VAT1L: variants seen among roughly 807,000 people sequenced by gnomAD.
The protein encoded by VAT1L is putative NADPH-dependent quinone oxidoreductase VAT1L.
In VAT1L, 34 loss-of-function variants were observed where a neutral mutation model predicts 44.1. The observed-to-expected ratio is 0.77, with a 90% CI of 0.59 to 1.03. The LOEUF (loss-of-function observed/expected upper bound fraction) is 1.03, where lower values mean the gene tolerates loss of function less well. VAT1L is among the 50% of genes least tolerant of loss of function. The probability of loss-of-function intolerance (pLI) is 0.00; values close to 1 mark genes in which losing one functional copy is unlikely to be tolerated. For missense variants in VAT1L, 615 were observed against 538.8 expected (o/e 1.14, Z -1.40); for synonymous variants, 253 against 202.2 (o/e 1.25, Z -2.13).
chr16:77,803,029 T>C (rs750348667), intron 1 of VAT1L, among the ~76,000 whole-genome samples: 10 of 152,214 alleles, frequency 6.6e-5, no homozygotes, highest in Non-Finnish European at 1.5e-4. Context: ...GGTATTTTCC[T>C]ACTTACACCT....
chr16:77,891,096 T>C (rs948929503), intron 7 of VAT1L, among the ~76,000 whole-genome samples: 1 of 152,184 alleles, frequency 6.6e-6, no homozygotes, highest in Non-Finnish European at 1.5e-5. Flanking sequence ...GGCTCATGCC[T>C]GTAATCCCAG....
At chr16:77,933,018 C>G (rs1200592673) in intron 7 of VAT1L, among the ~76,000 whole-genome samples, 1 of 152,136 alleles carries the variant, frequency 6.6e-6, no homozygotes, top group East Asian at 1.9e-4. Context: ...CCACCTGACT[C>G]CAAGGAGGCT....
At chr16:77,911,294 A>G (rs796183133) in intron 7 of VAT1L, among the ~76,000 whole-genome samples, 25 of 152,302 alleles carry the variant, frequency 1.6e-4, no homozygotes, top group African/African-American at 6.0e-4. Context: ...GAGCAGCAAA[A>G]CAATGAGGTG....
chr16:77,957,583 G>C (rs981840011), intron 7 of VAT1L, among the ~76,000 whole-genome samples: 1 of 151,852 alleles, frequency 6.6e-6, no homozygotes. Context: ...AACTTAGCTG[G>C]GTGTGGTGGC....
intron 4 of VAT1L, 72 bp from the exon 5 acceptor site, chr16:77,876,298 A>C (rs1295823013): frequency 1.5e-5 from 20 of 1,332,408 alleles, no homozygotes; most frequent in Non-Finnish European, 1.4e-5. Context: ...AATATGACAC[A>C]GGAAAGGAAA....
chr16:77,821,035 C>G lies in VAT1L; in HGVS notation c.363+3985C>G, dbSNP rs1201552457. 3.9e-5 allele frequency among the ~76,000 whole-genome samples: 6 copies of G among 152,234 alleles called. No individual in the cohort carries two copies. The East Asian group carries it at 9.7e-4, about 25-fold the overall frequency. On this transcript the variant is annotated intron_variant, in intron 2 of 8. Transcript: ENST00000302536. ...GCTTCTCCAGGACTGAATTTCTTCC[C>G]TTATTCTCTCCCATTTCCCACCCAT...
At position 77,880,126 on chromosome 16, in the gene VAT1L, C is replaced by T. The variant is rs79799740; in HGVS notation, c.882+902C>T. ...AATTGACTCTGATCTATCTTCCTAT[C>T]TGGAGCTATACTTGCTAGAATTATA... is the stretch of plus-strand genomic sequence containing the variant. On this transcript the variant is annotated intron_variant, in intron 6 of 8. Transcript: ENST00000302536. Among the ~76,000 whole-genome samples the T allele has an allele frequency of 5.6e-3, 853 of 152,306 alleles. 14 individuals carry two copies. Among genetic ancestry groups the T allele is most frequent in the African/African-American group, 0.019 (792 of 41,568 alleles).
intron 7 of VAT1L, among the ~76,000 whole-genome samples, chr16:77,925,114 C>G (rs1159829514): frequency 6.6e-6 from 1 of 152,114 alleles, no homozygotes; most frequent in Non-Finnish European, 1.5e-5. Flanking sequence ...TAGCTTTTGC[C>G]TTCCCTACCA....
chr16:77,816,575 G>A (rs2016358623), intron 1 of VAT1L, among the ~76,000 whole-genome samples: 1 of 152,176 alleles, frequency 6.6e-6, no homozygotes, highest in Admixed American at 6.5e-5. Context: ...TAAGAACTCT[G>A]ATAGCCAGGC....
At chr16:77,809,799 C>T (rs1442580829) in intron 1 of VAT1L, among the ~76,000 whole-genome samples, 2 of 152,130 alleles carry the variant, frequency 1.3e-5, no homozygotes, top group African/African-American at 2.4e-5. Context: ...ATGAGAGCTC[C>T]AGATTTGAAG....
At chr16:77,933,546 A>C (rs879732180) in intron 7 of VAT1L, among the ~76,000 whole-genome samples, 2 of 152,270 alleles carry the variant, frequency 1.3e-5, no homozygotes, top group Admixed American at 1.3e-4. Flanking sequence ...ACAATGGAAA[A>C]ATTTCAGAAA....
At chr16:77,960,353 G>T (rs1466328939) in intron 7 of VAT1L, among the ~76,000 whole-genome samples, 1 of 152,118 alleles carries the variant, frequency 6.6e-6, no homozygotes, top group African/African-American at 2.4e-5. Flanking sequence ...CTTAGCTGGG[G>T]TTCTAAAGGT....
At chr16:77,970,847 G>C (rs1224167170) in intron 7 of VAT1L, among the ~76,000 whole-genome samples, 1 of 152,232 alleles carries the variant, frequency 6.6e-6, no homozygotes, top group Non-Finnish European at 1.5e-5. Flanking sequence ...ATCAGCCACA[G>C]GGTGAGTTCC....
chr16:77,973,085 G>T (rs1320426408), intron 8 of VAT1L, among the ~76,000 whole-genome samples: 3 of 152,040 alleles, frequency 2.0e-5, no homozygotes, highest in African/African-American at 7.2e-5. Context: ...TTCTCCCTGG[G>T]GCCTCTCGAG....
chr16:77,951,362 A>G (rs968810312), intron 7 of VAT1L, among the ~76,000 whole-genome samples: 7 of 148,838 alleles, frequency 4.7e-5, no homozygotes, highest in Admixed American at 4.7e-4. Context: ...CCTGGGCAAT[A>G]TGGTGAAACC....
chr16:77,862,537 A>G (rs566888551), intron 3 of VAT1L, among the ~76,000 whole-genome samples: 2 of 151,642 alleles, frequency 1.3e-5, no homozygotes, highest in Admixed American at 1.3e-4. Flanking sequence ...AATCGCTAGA[A>G]CACAGGAGGT....
chr16:77,938,713 C>A (rs1452426123), intron 7 of VAT1L, among the ~76,000 whole-genome samples: 1 of 152,170 alleles, frequency 6.6e-6, no homozygotes, highest in Non-Finnish European at 1.5e-5. Flanking sequence ...CCTGTACAGG[C>A]TGCGGAACCA....
chr16:77,810,902 A>C (rs1178937507), intron 1 of VAT1L, among the ~76,000 whole-genome samples: 2 of 152,232 alleles, frequency 1.3e-5, no homozygotes, highest in Non-Finnish European at 2.9e-5. Context: ...AGTAAGTATT[A>C]AAAGTAATGG....
intron 7 of VAT1L, among the ~76,000 whole-genome samples, chr16:77,894,450 C>A (rs148996517): frequency 6.8e-4 from 104 of 152,242 alleles, no homozygotes; most frequent in African/African-American, 2.4e-3. Context: ...CACAAGCCTC[C>A]CACCTGGCAC....
Sources: allele counts gnomAD v4.1 joint callset (sites outside exome capture counted in the v4.1 genomes callset), GRCh38; gene constraint gnomAD v4.1.1; transcripts MANE v1.5; gene names NCBI Gene and HGNC (gene_info 2026-07-23, HGNC 2026-07-21).